The following FRMD5 variants were observed in gnomAD, a reference collection of about 807,000 sequenced individuals.
The protein encoded by FRMD5 is FERM domain-containing protein 5.
Under a neutral mutation model 69.0 loss-of-function variants are expected in FRMD5, and 20 were observed. The observed-to-expected ratio is 0.29, with a 90% confidence interval of 0.20 to 0.42. FRMD5 has a LOEUF of 0.42. Ranked by LOEUF, FRMD5 falls within the 10% of genes least tolerant of loss-of-function variation. FRMD5 has a pLI of 1.00. For missense variants in FRMD5, 595 were observed against 708.6 expected, an observed-to-expected ratio of 0.84 and a Z score of 1.82; for synonymous variants, 271 against 260.1, an observed-to-expected ratio of 1.04 and a Z score of -0.40.
intron 1 of FRMD5, among the ~76,000 whole-genome samples, chr15:44,089,361 A>C (rs1015427739): frequency 1.3e-5 from 2 of 152,182 alleles, no homozygotes; most frequent in Non-Finnish European, 2.9e-5. Flanking sequence ...ACTCCTTGTC[A>C]GTACCAGAGT....
chr15:44,186,179 G>A (rs865973912), intron 1 of FRMD5, among the ~76,000 whole-genome samples: 1 of 152,048 alleles, frequency 6.6e-6, no homozygotes, highest in Non-Finnish European at 1.5e-5. Flanking sequence ...CACCCACCTC[G>A]GCCTCCCAAA....
intron 7 of FRMD5, among the ~76,000 whole-genome samples, chr15:43,893,752 T>C (rs2088850744): frequency 6.6e-6 from 1 of 152,126 alleles, no homozygotes; most frequent in Non-Finnish European, 1.5e-5. Context: ...TCCTGGCCTC[T>C]CTGCTTTCAG....
chr15:43,961,197 T>C (rs1041865934), intron 1 of FRMD5, among the ~76,000 whole-genome samples: 5 of 151,788 alleles, frequency 3.3e-5, no homozygotes, highest in East Asian at 3.9e-4. Context: ...ATCAAATAGA[T>C]GCAATAAAAA....
At chr15:43,918,075 CCT>C (rs1358377681) in intron 4 of FRMD5, among the ~76,000 whole-genome samples, 1 of 152,218 alleles carries the variant, frequency 6.6e-6, no homozygotes, top group Non-Finnish European at 1.5e-5. Context: ...TTCCTGATTT[CCT>C]CTCTTAGAGA....
intron 1 of FRMD5, among the ~76,000 whole-genome samples, chr15:44,018,482 C>T (rs975044151): frequency 2.0e-5 from 3 of 152,114 alleles, no homozygotes; most frequent in African/African-American, 7.2e-5. Context: ...CTGATAGGGG[C>T]CTTTGCAAAT....
intron 1 of FRMD5, among the ~76,000 whole-genome samples, chr15:43,999,635 T>C (rs186823567): frequency 4.6e-5 from 7 of 152,170 alleles, no homozygotes; most frequent in Admixed American, 4.6e-4. Flanking sequence ...TTTTACTCTT[T>C]TTATGCGTTT....
At chr15:44,042,625 T>G (rs1293459701) in intron 1 of FRMD5, among the ~76,000 whole-genome samples, 2 of 152,220 alleles carry the variant, frequency 1.3e-5, no homozygotes, top group Non-Finnish European at 2.9e-5. Context: ...TGGTTCAACA[T>G]ACGCAAATCA....
intron 1 of FRMD5, among the ~76,000 whole-genome samples, chr15:44,051,720 C>G (rs1448228601): frequency 1.3e-5 from 2 of 151,970 alleles, no homozygotes; most frequent in Non-Finnish European, 2.9e-5. Flanking sequence ...ATGATCTTGA[C>G]AGTTTCGAGG....
At chr15:44,050,069 T>G (rs1892590980) in intron 1 of FRMD5, among the ~76,000 whole-genome samples, 1 of 152,180 alleles carries the variant, frequency 6.6e-6, no homozygotes, top group African/African-American at 2.4e-5. Flanking sequence ...GTGAATAAAC[T>G]TTTTAAAAAA....
intron 1 of FRMD5, among the ~76,000 whole-genome samples, chr15:44,099,412 T>C (rs1480164016): frequency 1.3e-5 from 2 of 152,080 alleles, no homozygotes; most frequent in African/African-American, 2.4e-5. Context: ...CAATCTACCA[T>C]GACCTCTCTT....
At chr15:44,103,354 T>A (rs1370230089) in intron 1 of FRMD5, among the ~76,000 whole-genome samples, 1 of 152,086 alleles carries the variant, frequency 6.6e-6, no homozygotes, top group Non-Finnish European at 1.5e-5. Flanking sequence ...AAGGAAAAAA[T>A]CATTCTATTC....
At position 43,872,557 on chromosome 15, in the gene FRMD5, G is replaced by C. The variant is rs180984180; in HGVS notation, c.*1328C>G. 6.6e-6 allele frequency: 1 copy of C among 152,430 alleles called. No individual in the cohort carries two copies. The highest frequency in any genetic ancestry group is 1.9e-4 in the East Asian group (1 of 5,190). 9.4% of individuals were successfully genotyped at this position (152,430 alleles called of 1,614,324 possible). On this transcript the variant is annotated 3_prime_UTR_variant, in exon 14 of 14. Coordinates refer to ENST00000417257, the MANE Select transcript of FRMD5 (RefSeq NM_032892.5). ...TTCATATGCCTGTGCTGCGTGCTTC[G>C]AGGACTTCCCTCTGCAAGGATGGTG...
At chr15:43,989,776 A>T in intron 1 of FRMD5, 1 of 1,018,922 alleles carries the variant, frequency 9.8e-7, no homozygotes, top group Non-Finnish European at 1.5e-6. Context: ...CACGGCCTGG[A>T]TGGCCACGTA....
chr15:44,193,523 ATCTC>A (rs1252093120), intron 1 of FRMD5, among the ~76,000 whole-genome samples: 1 of 152,228 alleles, frequency 6.6e-6, no homozygotes, highest in Non-Finnish European at 1.5e-5. Flanking sequence ...AATACAGAGC[ATCTC>A]TCTATCATAT....
At chr15:44,141,188 T>C (rs1488974531) in intron 1 of FRMD5, among the ~76,000 whole-genome samples, 1 of 152,162 alleles carries the variant, frequency 6.6e-6, no homozygotes, top group Non-Finnish European at 1.5e-5. Context: ...ACATGAATAC[T>C]TGATGGATAA....
At chr15:43,966,380 A>C (rs868625805) in intron 1 of FRMD5, among the ~76,000 whole-genome samples, 2 of 151,904 alleles carry the variant, frequency 1.3e-5, no homozygotes, top group African/African-American at 4.9e-5. Context: ...TCTCTAAAAA[A>C]ACAAAACAAA....
At chr15:43,904,278 A>T (rs897437691) in intron 6 of FRMD5, among the ~76,000 whole-genome samples, 2 of 152,252 alleles carry the variant, frequency 1.3e-5, no homozygotes, top group African/African-American at 4.8e-5. Context: ...CCCTGTTGCC[A>T]GGCATAGTCT....
chr15:44,139,382 T>C (rs1306164487), intron 1 of FRMD5, among the ~76,000 whole-genome samples: 1 of 150,576 alleles, frequency 6.6e-6, no homozygotes, highest in Non-Finnish European at 1.5e-5. Flanking sequence ...TAAAAAAAAA[T>C]CTTATTGAGA....
At chr15:44,102,155 T>C (rs1039299338) in intron 1 of FRMD5, among the ~76,000 whole-genome samples, 1 of 152,216 alleles carries the variant, frequency 6.6e-6, no homozygotes, top group African/African-American at 2.4e-5. Flanking sequence ...CAGTTGATCA[T>C]GCACTGGCAT....
Sources: gnomAD v4.1 joint callset for allele counts (sites outside exome capture counted in the v4.1 genomes callset) on GRCh38, gnomAD v4.1.1 for gene constraint, MANE v1.5 for transcripts, NCBI Gene and HGNC (gene_info 2026-07-23, HGNC 2026-07-21) for gene names.